The following MECOM variants were observed in gnomAD, a reference collection of about 807,000 sequenced individuals.
MECOM encodes histone-lysine N-methyltransferase MECOM.
Under a neutral mutation model 116.3 loss-of-function variants are expected in MECOM, and 13 were observed. The ratio of observed to expected loss-of-function variants is 0.11; its 90% CI spans 0.07 to 0.18. MECOM has a LOEUF of 0.18. Ranked by LOEUF, MECOM falls within the 10% of genes least tolerant of loss-of-function variation. MECOM has a pLI of 1.00. For missense variants in MECOM, 1,299 were observed against 1,509.0 expected (o/e 0.86, Z 2.31); for synonymous variants, 528 against 535.2 (o/e 0.99, Z 0.19).
At chr3:169,263,422 C>G (rs1193556266) in intron 2 of MECOM, among the ~76,000 whole-genome samples, 1 of 151,564 alleles carries the variant, frequency 6.6e-6, no homozygotes, top group Admixed American at 6.6e-5. Flanking sequence ...GCCACCGCGC[C>G]CTGCCAAGAT....
intron 1 of MECOM, among the ~76,000 whole-genome samples, chr3:169,536,347 CTTTTTTTTTTTT>C (rs10634392): frequency 6.3e-4 from 73 of 116,108 alleles, no homozygotes; most frequent in Non-Finnish European, 1.2e-3. Context: ...AATGTCTCTC[CTTTTTTTTTTTT>C]TTTTTTTTGG....
chr3:169,586,570 G>A (rs1426264878), intron 1 of MECOM, among the ~76,000 whole-genome samples: 1 of 152,126 alleles, frequency 6.6e-6, no homozygotes, highest in Non-Finnish European at 1.5e-5. Context: ...TCGCAAAAAA[G>A]TTTTAATTTA....
At chr3:169,609,459 T>A (rs1166048794) in intron 1 of MECOM, among the ~76,000 whole-genome samples, 1 of 40,686 alleles carries the variant, frequency 2.5e-5, no homozygotes, top group East Asian at 1.1e-3. Flanking sequence ...AGTTAATCAT[T>A]TTTTTTTTTT....
intron 5 of MECOM, among the ~76,000 whole-genome samples, chr3:169,123,368 G>T (rs1475160071): frequency 6.6e-6 from 1 of 150,634 alleles, no homozygotes; most frequent in African/African-American, 2.4e-5. Context: ...CCTAAGAATT[G>T]GGGAGCAAAA....
chr3:169,484,360 T>C (rs1475957464), intron 1 of MECOM, among the ~76,000 whole-genome samples: 2 of 151,900 alleles, frequency 1.3e-5, no homozygotes, highest in Non-Finnish European at 2.9e-5. Flanking sequence ...ATAAAAAATA[T>C]GGAAGGTAAA....
At chr3:169,432,763 G>A (rs773030152) in intron 1 of MECOM, among the ~76,000 whole-genome samples, 7 of 152,162 alleles carry the variant, frequency 4.6e-5, no homozygotes, top group Non-Finnish European at 8.8e-5. Context: ...TTAAAGATAT[G>A]CAGCACCTTT....
chr3:169,453,995 T>C (rs1197676353), intron 1 of MECOM, among the ~76,000 whole-genome samples: 1 of 152,182 alleles, frequency 6.6e-6, no homozygotes, highest in Non-Finnish European at 1.5e-5. Flanking sequence ...TTTCTTTGTG[T>C]GGCTTCTGGA....
rs74984578 is a variant in MECOM, at chr3:169,269,114, A to T, written c.375+112073T>A. 186 of 152,018 alleles carry T rather than the reference A, an allele frequency of 1.2e-3. 2 individuals carry two copies. The highest frequency in any genetic ancestry group is 4.1e-3 in the African/African-American group (172 of 41,474). 9.4% of individuals were successfully genotyped at this position (152,018 alleles called of 1,614,324 possible). On this transcript the variant is annotated intron_variant, in intron 2 of 16. Transcript: ENST00000651503. ...ATGGCATTCCTCTCGGTGAACACAA[A>T]GCCCATTTCCATGTGTTTACCTTCG...
intron 2 of MECOM, among the ~76,000 whole-genome samples, chr3:169,189,235 A>C (rs1222183184): frequency 2.0e-5 from 3 of 152,102 alleles, no homozygotes; most frequent in Non-Finnish European, 2.9e-5. Flanking sequence ...TAAAGAGTGA[A>C]AAATGAATGA....
intron 1 of MECOM, among the ~76,000 whole-genome samples, chr3:169,624,105 G>C (rs990336347): frequency 2.6e-5 from 4 of 152,194 alleles, no homozygotes; most frequent in Non-Finnish European, 5.9e-5. Context: ...GGTCAGTTCA[G>C]TCTGGGCCTG....
In MECOM at chr3:169,285,033, C is replaced by T. The variant is rs1258531828; in HGVS notation, c.375+96154G>A. 9.2e-5 allele frequency among the ~76,000 whole-genome samples: 14 copies of T among 152,254 alleles called. No homozygotes were observed. The Middle Eastern group carries it at 0.01, about 111-fold the overall frequency. On this transcript the variant is annotated intron_variant, in intron 2 of 16. Coordinates refer to ENST00000651503, the MANE Select transcript of MECOM (RefSeq NM_004991.4). The stretch of plus-strand genomic sequence containing the variant: ...TAGTCCCCAGCGGTGACTCTTTCAT[C>T]ACCAGGAGAAATCTGACCTCTCTTT...
At chr3:169,554,574 G>A (rs1186234150) in intron 1 of MECOM, among the ~76,000 whole-genome samples, 1 of 152,144 alleles carries the variant, frequency 6.6e-6, no homozygotes, top group African/African-American at 2.4e-5. Flanking sequence ...CACTGTTAAA[G>A]ATTGGCACAT....
chr3:169,232,395 T>C (rs1355185653), intron 2 of MECOM, among the ~76,000 whole-genome samples: 1 of 151,122 alleles, frequency 6.6e-6, no homozygotes, highest in African/African-American at 2.4e-5. Flanking sequence ...AAAAAAGCTT[T>C]TGTTAGGAAT....
At chr3:169,601,974 T>A (rs1462247566) in intron 1 of MECOM, among the ~76,000 whole-genome samples, 3 of 152,092 alleles carry the variant, frequency 2.0e-5, no homozygotes, top group African/African-American at 7.2e-5. Flanking sequence ...TGAAATGAAA[T>A]TTGCACTTTC....
At chr3:169,343,548 A>G (rs950153024) in intron 2 of MECOM, among the ~76,000 whole-genome samples, 1 of 152,186 alleles carries the variant, frequency 6.6e-6, no homozygotes, top group African/African-American at 2.4e-5. Context: ...AAAGAAAAAA[A>G]GTCTAAGAAC....
chr3:169,165,673 C>A (rs935919302), intron 2 of MECOM, among the ~76,000 whole-genome samples: 1 of 152,108 alleles, frequency 6.6e-6, no homozygotes, highest in Non-Finnish European at 1.5e-5. Context: ...AAACTGTATG[C>A]TAGTGACTTT....
chr3:169,086,629 C>G (rs1172753419), intron 16 of MECOM: 5 of 699,144 alleles, frequency 7.2e-6, no homozygotes, highest in African/African-American at 1.8e-5. Context: ...ATCACATGCA[C>G]TAACTTACAT....
chr3:169,658,919 CCTT>C (rs1406016791), intron 1 of MECOM, among the ~76,000 whole-genome samples: 2 of 152,098 alleles, frequency 1.3e-5, no homozygotes, highest in Non-Finnish European at 2.9e-5. Flanking sequence ...GCTCTCTTGT[CCTT>C]CTAGCCCGGG....
chr3:169,479,208 G>C (rs1750916188), intron 1 of MECOM, among the ~76,000 whole-genome samples: 1 of 151,882 alleles, frequency 6.6e-6, no homozygotes, highest in South Asian at 2.1e-4. Flanking sequence ...AGGGTCTCAG[G>C]CAGGAAGTGA....
Sources: allele counts gnomAD v4.1 joint callset (sites outside exome capture counted in the v4.1 genomes callset), GRCh38; gene constraint gnomAD v4.1.1; transcripts MANE v1.5; gene names NCBI Gene and HGNC (gene_info 2026-07-23, HGNC 2026-07-21).